Variants in DCC observed in about 807,000 individuals in gnomAD.
DCC encodes DCC netrin 1 receptor, also known as netrin receptor DCC.
In DCC, 58 loss-of-function variants were observed where a neutral mutation model predicts 172.5. The observed-to-expected ratio is 0.34, with a 90% CI of 0.27 to 0.42. The LOEUF (loss-of-function observed/expected upper bound fraction) is 0.42, where lower values mean the gene tolerates loss of function less well. Ranked by LOEUF, DCC falls within the 10% of genes least tolerant of loss-of-function variation. The probability of loss-of-function intolerance (pLI) is 1.00; values close to 1 mark genes in which losing one functional copy is unlikely to be tolerated. For missense variants in DCC, 1,740 were observed against 1,791.0 expected (o/e 0.97, Z 0.51); for synonymous variants, 709 against 644.5 (o/e 1.10, Z -1.52).
intron 5 of DCC, among the ~76,000 whole-genome samples, chr18:52,969,107 T>C (rs915854383): frequency 5.3e-5 from 8 of 152,170 alleles, no homozygotes; most frequent in Non-Finnish European, 1.2e-4. Context: ...CTGCTCTTTG[T>C]TCATTTCTTT....
chr18:52,574,338 G>A (rs1327928411), intron 1 of DCC, among the ~76,000 whole-genome samples: 10 of 152,078 alleles, frequency 6.6e-5, no homozygotes, highest in Admixed American at 1.3e-4. Flanking sequence ...TGCATACTTT[G>A]GCATTGAGGA....
intron 21 of DCC, among the ~76,000 whole-genome samples, chr18:53,433,708 T>C (rs549236686): frequency 1.3e-5 from 2 of 152,240 alleles, no homozygotes; most frequent in East Asian, 3.9e-4. Context: ...TTGTCCACAT[T>C]TTTGTCAGCC....
intron 7 of DCC, among the ~76,000 whole-genome samples, chr18:53,093,463 C>T (rs2043042288): frequency 6.6e-6 from 1 of 152,084 alleles, no homozygotes; most frequent in African/African-American, 2.4e-5. Flanking sequence ...GATCATAAGG[C>T]TGATAAGTTT....
At chr18:52,390,470 A>G (rs1985988579) in intron 1 of DCC, among the ~76,000 whole-genome samples, 1 of 152,042 alleles carries the variant, frequency 6.6e-6, no homozygotes, top group Non-Finnish European at 1.5e-5. Flanking sequence ...ATCATTGAAC[A>G]TTTTTACCCT....
chr18:53,050,065 TAG>T (rs201613293), intron 5 of DCC, among the ~76,000 whole-genome samples: 2,467 of 148,738 alleles, frequency 0.017, 55 homozygotes, highest in African/African-American at 0.06. Context: ...CTGAAAAACT[TAG>T]AGTCTGATGT....
At chr18:52,514,433 C>G (rs886415537) in intron 1 of DCC, among the ~76,000 whole-genome samples, 1 of 152,178 alleles carries the variant, frequency 6.6e-6, no homozygotes, top group Admixed American at 6.5e-5. Flanking sequence ...ACCAGTAACA[C>G]AGATTACCTC....
chr18:53,522,676 T>G (rs1462352455), intron 27 of DCC, among the ~76,000 whole-genome samples: 1 of 152,146 alleles, frequency 6.6e-6, no homozygotes, highest in Non-Finnish European at 1.5e-5. Context: ...AAGGATTCCC[T>G]ATTTAATAAA....
intron 17 of DCC, among the ~76,000 whole-genome samples, chr18:53,393,853 C>A (rs1908733473): frequency 6.6e-6 from 1 of 151,268 alleles, no homozygotes; most frequent in African/African-American, 2.4e-5. Context: ...GTTCCTCTTC[C>A]CTTCATCCTC....
At chr18:52,940,230 G>T (rs1353520224) in intron 5 of DCC, among the ~76,000 whole-genome samples, 1 of 152,152 alleles carries the variant, frequency 6.6e-6, no homozygotes, top group Non-Finnish European at 1.5e-5. Flanking sequence ...GGTTTAGTAG[G>T]CCTTGTATAA....
chr18:52,817,357 TATAG>T (rs747777402), intron 2 of DCC, among the ~76,000 whole-genome samples: 5 of 152,162 alleles, frequency 3.3e-5, no homozygotes, highest in Admixed American at 6.5e-5. Context: ...ATCGAAATTT[TATAG>T]ATACTCACAA....
chr18:53,499,411 C>A lies in DCC; in HGVS notation c.4012C>A (p.Pro1338Thr), dbSNP rs1250355443. Reference sequence around the variant, plus strand: ...AACCATCCCCACAGCTTGTGTTCGACCAACTCACCCACTCCGCAGCTTTGC... The same window carrying A: ...AACCATCCCCACAGCTTGTGTTCGAACAACTCACCCACTCCGCAGCTTTGC... ...SRTIPTACVR[P>T]THPLRSFANP... The change falls in exon 27 of 29, where the codon CCA becomes ACA. Residue 1338 changes from proline to threonine, a missense_variant. By Grantham distance (38) the Pro-to-Thr change is conservative (BLOSUM62 -1). This residue lies in a region of DCC where 1,732 missense variants were observed against 1,767.4 expected (regional missense o/e 0.98). Transcript: ENST00000442544. 1.9e-6 allele frequency: 3 copies of A among 1,614,116 alleles called. No individual in the cohort carries two copies. The highest frequency in any genetic ancestry group is 2.7e-5 in the African/African-American group (2 of 75,042).
At chr18:53,038,927 G>A (rs544292121) in intron 5 of DCC, among the ~76,000 whole-genome samples, 1 of 151,990 alleles carries the variant, frequency 6.6e-6, no homozygotes, top group Non-Finnish European at 1.5e-5. Flanking sequence ...ACATGTAAGG[G>A]AAGGACACTT....
intron 1 of DCC, among the ~76,000 whole-genome samples, chr18:52,515,676 C>T (rs1193434567): frequency 6.3e-5 from 9 of 141,784 alleles, no homozygotes; most frequent in African/African-American, 1.0e-4. Context: ...GATATTGTCT[C>T]CAAGATCAAG....
At chr18:53,022,962 C>T (rs532316402) in intron 5 of DCC, among the ~76,000 whole-genome samples, 14 of 152,104 alleles carry the variant, frequency 9.2e-5, no homozygotes, top group South Asian at 6.2e-4. Flanking sequence ...AAGTAGGCAA[C>T]GAAGGGAGTA....
intron 1 of DCC, among the ~76,000 whole-genome samples, chr18:52,683,379 A>G (rs1477641029): frequency 6.6e-6 from 1 of 152,164 alleles, no homozygotes; most frequent in East Asian, 1.9e-4. Flanking sequence ...TTACCAGGCT[A>G]GAGAACATGG....
chr18:53,129,506 T>TA (rs1451429562), intron 7 of DCC, among the ~76,000 whole-genome samples: 2 of 152,140 alleles, frequency 1.3e-5, no homozygotes, highest in African/African-American at 4.8e-5. Flanking sequence ...CATATACACA[T>TA]ACACCATTGT....
chr18:52,880,839 C>T (rs570956396), intron 2 of DCC, among the ~76,000 whole-genome samples: 1 of 152,240 alleles, frequency 6.6e-6, no homozygotes, highest in South Asian at 2.1e-4. Flanking sequence ...GCAGACATCT[C>T]TTTGTTATAT....
intron 2 of DCC, among the ~76,000 whole-genome samples, chr18:52,774,596 G>T (rs1019050197): frequency 4.6e-5 from 7 of 152,218 alleles, no homozygotes; most frequent in African/African-American, 1.7e-4. Context: ...AAATGGCAAA[G>T]GTTCCCTTGT....
At chr18:52,487,155 T>G (rs541957553) in intron 1 of DCC, among the ~76,000 whole-genome samples, 2 of 152,266 alleles carry the variant, frequency 1.3e-5, no homozygotes, top group South Asian at 4.1e-4. Flanking sequence ...AGATACCTGC[T>G]TATCTCTGGA....
Sources: gnomAD v4.1 joint callset for allele counts (sites outside exome capture counted in the v4.1 genomes callset) on GRCh38, gnomAD v4.1.1 for gene constraint, gnomAD v4.1.1 regional missense constraint, MANE v1.5 for transcripts, NCBI Gene and HGNC (gene_info 2026-07-23, HGNC 2026-07-21) for gene names.